MLXIPL: variants seen among roughly 807,000 people sequenced by gnomAD.
MLXIPL encodes the protein MLX interacting protein like, also known as carbohydrate-responsive element-binding protein.
A neutral mutation model predicts 81.5 loss-of-function variants in MLXIPL; 49 were observed. That is an observed-to-expected ratio of 0.60 (90% CI 0.48 to 0.76). MLXIPL has a LOEUF of 0.76. MLXIPL is among the 30% of genes least tolerant of loss of function. The probability of loss-of-function intolerance (pLI) is 0.00; values close to 1 mark genes in which losing one functional copy is unlikely to be tolerated. For synonymous variants in MLXIPL, 466 were observed against 485.5 expected (o/e 0.96, Z 0.53); for missense variants, 1,053 against 1,167.0 (o/e 0.90, Z 1.42).
At chr7:73,638,519 T>A in the MLXIPL span, among the ~76,000 whole-genome samples, 4 of 152,176 alleles carry the variant, frequency 2.6e-5, no homozygotes, top group Non-Finnish European at 5.9e-5. Context: ...TGACCTCAGG[T>A]GATCTGCCCA....
In MLXIPL at chr7:73,595,651, A is replaced by T; in HGVS notation, c.2296T>A (p.Trp766Arg). The change falls in exon 15 of 17, where the codon TGG becomes AGG. Residue 766 changes from tryptophan to arginine, a missense_variant. Physicochemically the swap from Trp to Arg is moderately radical, Grantham distance 101. Coordinates refer to ENST00000313375, the MANE Select transcript of MLXIPL (RefSeq NM_032951.3). ...DYVRTRTLHN[W>R]KFWVFSILIR... ...AGGGAGGATACCACCCAGAACTTCCAGTTGTGCAGCGTACGGGTTCGGACG... is the reference window on the plus strand; with the variant it reads ...AGGGAGGATACCACCCAGAACTTCCTGTTGTGCAGCGTACGGGTTCGGACG... The T allele has an allele frequency of 6.2e-7, 1 of 1,614,118 alleles. No individual in the cohort carries two copies. The highest frequency in any genetic ancestry group is 8.5e-7 in the Non-Finnish European group (1 of 1,179,992).
the MLXIPL span, among the ~76,000 whole-genome samples, chr7:73,641,633 T>A: frequency 6.6e-6 from 1 of 152,010 alleles, no homozygotes; most frequent in Non-Finnish European, 1.5e-5. Flanking sequence ...ATTCTGACAC[T>A]TTTTTTTGTT....
At chr7:73,631,114 T>G in the MLXIPL span, among the ~76,000 whole-genome samples, 1 of 151,982 alleles carries the variant, frequency 6.6e-6, no homozygotes, top group Admixed American at 6.6e-5. Context: ...GTTCATGCCA[T>G]TCTCCTGACT....
At chr7:73,647,066 G>C in the MLXIPL span, among the ~76,000 whole-genome samples, 1 of 152,140 alleles carries the variant, frequency 6.6e-6, no homozygotes, top group African/African-American at 2.4e-5. Context: ...GCCCAGAGAC[G>C]GAAAGTCGTG....
At chr7:73,606,278 A>T in intron 5 of MLXIPL, 167 bp from the exon 6 acceptor site, 1 of 704,942 alleles carries the variant, frequency 1.4e-6, no homozygotes, top group African/African-American at 1.8e-5. Flanking sequence ...GGCCAAGATC[A>T]CTCCATTGGC....
rs1554600732 is a variant in MLXIPL, at chr7:73,616,165, C to T, written c.306G>A (p.Val102=). The T allele has an allele frequency of 6.8e-6, 11 of 1,613,828 alleles. No individual in the cohort carries two copies. Among genetic ancestry groups the T allele is most frequent in the African/African-American group, 1.3e-5 (1 of 75,022 alleles). The change falls in exon 2 of 17, where the codon GTG becomes GTA. Residue 102 remains valine (V), a synonymous_variant. Coordinates refer to ENST00000313375, the MANE Select transcript of MLXIPL (RefSeq NM_032951.3). ...CLSLAYSGKL[V]SPKWKNFKGL... is the part of the protein sequence containing the mutation. ...CTTTGAAATTCTTCCACTTGGGAGA[C>T]ACCAGCTTGCCACTGTCAAAGGGGA...
chr7:73,603,359 TG>T (rs1274919469), intron 7 of MLXIPL, among the ~76,000 whole-genome samples: 4 of 152,188 alleles, frequency 2.6e-5, no homozygotes, highest in Non-Finnish European at 1.5e-5. Context: ...CTGCTGGTCT[TG>T]CCCAGACCCC....
chr7:73,624,576 C>T, upstream of MLXIPL: 1 of 1,437,216 alleles, frequency 7.0e-7, no homozygotes, highest in Non-Finnish European at 9.1e-7. Flanking sequence ...ATTAACATAG[C>T]CCCGCCCCCA....
chr7:73,612,839 C>T (rs1215010803), intron 2 of MLXIPL, among the ~76,000 whole-genome samples: 1 of 152,118 alleles, frequency 6.6e-6, no homozygotes, highest in Non-Finnish European at 1.5e-5. Context: ...GAACCCTTTG[C>T]ACCTATGCTG....
the MLXIPL span, among the ~76,000 whole-genome samples, chr7:73,640,231 C>G: frequency 6.7e-6 from 1 of 149,894 alleles, no homozygotes; most frequent in Non-Finnish European, 1.5e-5. Flanking sequence ...ATGGCGAAAC[C>G]CTGTCTCTTA....
chr7:73,636,250 A>C, the MLXIPL span, among the ~76,000 whole-genome samples: 3 of 152,002 alleles, frequency 2.0e-5, no homozygotes, highest in Non-Finnish European at 4.4e-5. Flanking sequence ...TCTCTACTAA[A>C]AACACAAAAA....
At chr7:73,629,972 A>ATTAT in the MLXIPL span, among the ~76,000 whole-genome samples, 381 of 93,374 alleles carry the variant, frequency 4.1e-3, 2 homozygotes, top group Middle Eastern at 5.4e-3. Context: ...CTTTTTTATT[A>ATTAT]TTTTTATTTA....
the MLXIPL span, among the ~76,000 whole-genome samples, chr7:73,643,492 C>A: frequency 6.9e-6 from 1 of 144,626 alleles, no homozygotes; most frequent in Non-Finnish European, 1.5e-5. Flanking sequence ...CCAGCCTGGG[C>A]GACAGAGCGA....
intron 15 of MLXIPL, among the ~76,000 whole-genome samples, chr7:73,595,197 G>T (rs1794175361): frequency 6.6e-6 from 1 of 151,992 alleles, no homozygotes; most frequent in Non-Finnish European, 1.5e-5. Context: ...CTGCCTCTCA[G>T]TCCCCTCCTC....
At chr7:73,642,367 T>A in the MLXIPL span, among the ~76,000 whole-genome samples, 1 of 152,072 alleles carries the variant, frequency 6.6e-6, no homozygotes, top group South Asian at 2.1e-4. Context: ...TTTATTTTTG[T>A]GTGTGATAGA....
At chr7:73,600,911 C>T (rs956681104) in intron 7 of MLXIPL, among the ~76,000 whole-genome samples, 4 of 152,078 alleles carry the variant, frequency 2.6e-5, no homozygotes, top group East Asian at 1.9e-4. Flanking sequence ...GGGCGCCGCC[C>T]GCCCACCCGC....
Position 73,606,434 on chromosome 7 carries a change from T to C in MLXIPL, c.619-323A>G, listed in dbSNP as rs1348848364. ...TTGTTTTCTTTTTCTTTTTCTTTTT[T>C]TTTTTTTTGGAGACGGAGTCTCACT... On this transcript the variant is annotated intron_variant, in intron 5 of 16. Coordinates refer to ENST00000313375, the MANE Select transcript of MLXIPL (RefSeq NM_032951.3). 14 of 441,690 alleles carry C rather than the reference T, an allele frequency of 3.2e-5. 1 individual carries two copies. Among genetic ancestry groups the C allele is most frequent in the East Asian group, 1.7e-4 (4 of 23,164 alleles). 27.4% of individuals were successfully genotyped at this position (441,690 alleles called of 1,614,324 possible). A position where few individuals can be genotyped will look rare whatever the true frequency, so the allele number is the denominator to read the frequency against.
upstream of MLXIPL, among the ~76,000 whole-genome samples, chr7:73,625,666 T>A (rs1398944368): frequency 6.6e-6 from 1 of 151,920 alleles, no homozygotes; most frequent in African/African-American, 2.4e-5. Flanking sequence ...GAGGCTGAGG[T>A]GGAAGAATCA....
At chr7:73,633,593 A>C in the MLXIPL span, among the ~76,000 whole-genome samples, 1 of 151,988 alleles carries the variant, frequency 6.6e-6, no homozygotes, top group Non-Finnish European at 1.5e-5. Flanking sequence ...TACTGGGATT[A>C]CAGGTGGGAG....
Sources: gnomAD v4.1 joint callset for allele counts (sites outside exome capture counted in the v4.1 genomes callset) on GRCh38, gnomAD v4.1.1 for gene constraint, MANE v1.5 for transcripts, NCBI Gene and HGNC (gene_info 2026-07-23, HGNC 2026-07-21) for gene names.